Variants in GRM7 observed in about 807,000 individuals in gnomAD.
GRM7 encodes the protein metabotropic glutamate receptor 7.
A neutral mutation model predicts 84.5 loss-of-function variants in GRM7; 35 were observed. That is an observed-to-expected ratio of 0.41 (90% confidence interval 0.32 to 0.55). The LOEUF is 0.55. Among genes scored for constraint, GRM7 ranks in the 20% least tolerant of loss-of-function variants. The pLI is 0.19. For synonymous variants in GRM7, 487 were observed against 455.1 expected (o/e 1.07, Z -0.89); for missense variants, 1,003 against 1,194.6 (o/e 0.84, Z 2.36).
chr3:7,042,754 C>G (rs186305319), intron 1 of GRM7, among the ~76,000 whole-genome samples: 107 of 152,130 alleles, frequency 7.0e-4, no homozygotes, highest in Admixed American at 5.0e-3. Context: ...GAATACAGTT[C>G]TGTTTTAATA....
At position 6,945,512 on chromosome 3, in the gene GRM7, G is replaced by A. The variant is rs545685867; in HGVS notation, c.519+83605G>A. 4.5e-3 allele frequency among the ~76,000 whole-genome samples: 682 copies of A among 152,032 alleles called. 9 individuals are homozygous for A. Among genetic ancestry groups the A allele is most frequent in the African/African-American group, 0.016 (646 of 41,394 alleles). ...AGTCTTTGCTCTTGTGAATAGTGCC[G>A]CAATAAACATACATGTGCATGTGTC... On this transcript the variant is annotated intron_variant, in intron 1 of 9. Transcript: ENST00000357716.
intron 3 of GRM7, among the ~76,000 whole-genome samples, chr3:7,305,449 A>C (rs1700161385): frequency 1.3e-5 from 1 of 75,826 alleles, no homozygotes; most frequent in African/African-American, 3.6e-5. Flanking sequence ...TGCACCCACT[A>C]ACGTGTCATC....
At chr3:7,385,332 G>C (rs1029239513) in intron 4 of GRM7, among the ~76,000 whole-genome samples, 2 of 113,664 alleles carry the variant, frequency 1.8e-5, no homozygotes, top group Admixed American at 2.8e-4. Context: ...ACAGAGTCTC[G>C]CTCTGTCGCA....
intron 4 of GRM7, among the ~76,000 whole-genome samples, chr3:7,346,118 G>A (rs1425897240): frequency 1.3e-5 from 2 of 152,010 alleles, no homozygotes; most frequent in African/African-American, 4.8e-5. Context: ...TTTGAATTAG[G>A]TGACGGCAAC....
chr3:7,172,152 C>T (rs1301732905), intron 2 of GRM7, among the ~76,000 whole-genome samples: 2 of 151,932 alleles, frequency 1.3e-5, no homozygotes, highest in Non-Finnish European at 1.5e-5. Flanking sequence ...TGTTAAACAC[C>T]CAAAGGATTT....
At chr3:7,165,376 TAA>T (rs2125082869) in intron 2 of GRM7, among the ~76,000 whole-genome samples, 1 of 152,336 alleles carries the variant, frequency 6.6e-6, no homozygotes, top group African/African-American at 2.4e-5. Flanking sequence ...GAAGAAAAAT[TAA>T]ACTATCAGAG....
intron 1 of GRM7, among the ~76,000 whole-genome samples, chr3:7,066,712 C>T (rs543828046): frequency 6.6e-6 from 1 of 151,880 alleles, no homozygotes; most frequent in East Asian, 1.9e-4. Flanking sequence ...CAGGAAAGGA[C>T]ACAACCAAAA....
rs931946801 is a variant in GRM7, at chr3:6,863,452, A to C, written c.519+1545A>C. Among the ~76,000 whole-genome samples, 1 of 152,116 alleles carries C rather than the reference A, an allele frequency of 6.6e-6. No individual in the cohort carries two copies. The highest frequency in any genetic ancestry group is 1.5e-5 in the Non-Finnish European group (1 of 68,020). On this transcript the variant is annotated intron_variant, in intron 1 of 9. Coordinates refer to ENST00000357716, the MANE Select transcript of GRM7 (RefSeq NM_000844.4). This position sits in a 1 kb window ranked among gnomAD's most constrained non-coding sequence, Gnocchi z 4.8. Reference sequence around the variant, plus strand: ...CAGGAGTGTGAAGTTTGCATTCAGGAAAGAGGAGTGCCCATCCAAGGCTGC... The same window carrying C: ...CAGGAGTGTGAAGTTTGCATTCAGGCAAGAGGAGTGCCCATCCAAGGCTGC...
rs552484708 is a variant in GRM7, at chr3:6,947,231, A to G, written c.519+85324A>G. ...TATTATTTTGAGCTATGTCCCATCA[A>G]TACCTAATTTATTGAGAGTTTTTAG... On this transcript the variant is annotated intron_variant, in intron 1 of 9. Coordinates refer to ENST00000357716, the MANE Select transcript of GRM7 (RefSeq NM_000844.4). Among the ~76,000 whole-genome samples, 3 of 152,312 alleles carry G rather than the reference A, an allele frequency of 2.0e-5. No homozygotes were observed. The East Asian group carries it at 5.8e-4, about 29-fold the overall frequency.
intron 2 of GRM7, among the ~76,000 whole-genome samples, chr3:7,196,615 C>T (rs1695887797): frequency 6.6e-6 from 1 of 152,076 alleles, no homozygotes. Flanking sequence ...TGGAAAGTTT[C>T]TTCTCATCCT....
chr3:7,146,442 G>A lies in GRM7; in HGVS notation c.520-10G>A. 6.2e-7 allele frequency: 1 copy of A among 1,605,194 alleles called. No individual in the cohort carries two copies. The highest frequency in any genetic ancestry group is 8.5e-7 in the Non-Finnish European group (1 of 1,172,894). ...GTGCACTCTCACGTGGTGCTTTCTT[G>A]TCTTTGCAGATCCCCCAGATTAGTT... On this transcript the variant is annotated splice_polypyrimidine_tract_variant and intron_variant, in intron 1 of 9. Transcript: ENST00000357716.
intron 5 of GRM7, among the ~76,000 whole-genome samples, chr3:7,441,233 G>A (rs1697273979): frequency 6.6e-6 from 1 of 152,106 alleles, no homozygotes; most frequent in African/African-American, 2.4e-5. Flanking sequence ...TTTCTCTAAT[G>A]ATTAGTGATG....
At chr3:7,562,668 T>A (rs965360408) in intron 7 of GRM7, among the ~76,000 whole-genome samples, 1 of 152,092 alleles carries the variant, frequency 6.6e-6, no homozygotes, top group African/African-American at 2.4e-5. Context: ...GAATACAGAT[T>A]CCACAGAATG....
intron 7 of GRM7, among the ~76,000 whole-genome samples, chr3:7,503,898 A>C (rs1382060498): frequency 1.3e-5 from 2 of 152,210 alleles, no homozygotes; most frequent in Non-Finnish European, 2.9e-5. Context: ...ACATTGTTAT[A>C]GCATTATTGC....
intron 4 of GRM7, among the ~76,000 whole-genome samples, chr3:7,325,648 A>G (rs1265451601): frequency 6.6e-6 from 1 of 152,198 alleles, no homozygotes; most frequent in Admixed American, 6.5e-5. Flanking sequence ...GTCCAGCACA[A>G]CCAGTGCCAC....
At chr3:7,583,658 G>A (rs1695374104) in intron 8 of GRM7, among the ~76,000 whole-genome samples, 2 of 152,178 alleles carry the variant, frequency 1.3e-5, no homozygotes, top group African/African-American at 4.8e-5. Context: ...AACAGTCAAG[G>A]AATTGGGGTG....
At chr3:6,962,565 A>G (rs950750490) in intron 1 of GRM7, among the ~76,000 whole-genome samples, 2 of 152,230 alleles carry the variant, frequency 1.3e-5, no homozygotes, top group African/African-American at 4.8e-5. Flanking sequence ...TGATATGAAA[A>G]TAATGAATAA....
At chr3:7,150,853 A>G (rs1694265183) in intron 2 of GRM7, among the ~76,000 whole-genome samples, 1 of 152,172 alleles carries the variant, frequency 6.6e-6, no homozygotes, top group Non-Finnish European at 1.5e-5. Context: ...GATCCTTTTA[A>G]CCAAATCTGA....
intron 8 of GRM7, among the ~76,000 whole-genome samples, chr3:7,637,573 A>C (rs1014873380): frequency 6.6e-6 from 1 of 152,192 alleles, no homozygotes; most frequent in African/African-American, 2.4e-5. Flanking sequence ...TCTCTCCAAC[A>C]TGGCTTTGCA....
Sources: gnomAD v4.1 joint callset for allele counts (sites outside exome capture counted in the v4.1 genomes callset) on GRCh38, gnomAD v4.1.1 for gene constraint, Gnocchi (gnomAD v3.1) non-coding constraint, MANE v1.5 for transcripts, NCBI Gene and HGNC (gene_info 2026-07-23, HGNC 2026-07-21) for gene names.